The following FREM2 variants were observed in gnomAD, a reference collection of about 807,000 sequenced individuals.
The protein encoded by FREM2 is FRAS1-related extracellular matrix protein 2.
In FREM2, 119 loss-of-function variants were observed where a neutral mutation model predicts 219.9. The observed-to-expected ratio is 0.54, with a 90% CI of 0.47 to 0.63. The LOEUF is 0.63. Ranked by LOEUF, FREM2 falls within the 30% of genes least tolerant of loss-of-function variation. FREM2 has a pLI of 0.00. For synonymous variants in FREM2, 1,562 were observed against 1,522.8 expected (o/e 1.03, Z -0.60); for missense variants, 4,030 against 3,993.6 (o/e 1.01, Z -0.25).
In FREM2 at chr13:38,764,282, G is replaced by A. The variant is rs774832373; in HGVS notation, c.5264-22G>A. ...TCATTCAAGAAAGCACTAATTTATG[G>A]CTTTAAATTTTTATTTTCAAGGTGG... On this transcript the variant is annotated intron_variant, in intron 2 of 23. Transcript: ENST00000280481. 5 of 1,590,348 alleles carry A rather than the reference G, an allele frequency of 3.1e-6. No individual in the cohort carries two copies. The African/African-American group carries it at 6.7e-5, about 21-fold the overall frequency.
intron 11 of FREM2, among the ~76,000 whole-genome samples, chr13:38,853,329 A>C (rs1031115214): frequency 2.6e-5 from 4 of 151,910 alleles, no homozygotes; most frequent in South Asian, 2.1e-4. Flanking sequence ...AAAAAAAAAA[A>C]AAAAAAACAA....
intron 9 of FREM2, among the ~76,000 whole-genome samples, 193 bp downstream of exon 9, chr13:38,850,428 T>C (rs1877328871): frequency 2.6e-5 from 4 of 152,252 alleles, no homozygotes; most frequent in Admixed American, 2.0e-4. Flanking sequence ...CATTAACTTA[T>C]TGATTTCCAG....
rs1945510 is a variant in FREM2 at position 38,876,002 on chromosome 13, A to C, written c.8282-20A>C. On this transcript the variant is annotated intron_variant, in intron 18 of 23. Transcript: ENST00000280481. The stretch of plus-strand genomic sequence containing the variant: ...AATTGAACCACTATATCATTATTAT[A>C]ATTACTGGCACTTTCCTAGCATCCT... The C allele has an allele frequency of 0.15, 245,170 of 1,603,242 alleles. 21,892 individuals carry two copies. The highest frequency in any genetic ancestry group is 0.35 in the Admixed American group (20,828 of 59,972).
chr13:38,708,363 G>A (rs1000369700), intron 2 of FREM2, among the ~76,000 whole-genome samples: 3 of 152,136 alleles, frequency 2.0e-5, no homozygotes, highest in Admixed American at 6.6e-5. Context: ...AAATACAAAT[G>A]TGATTTTAGA....
rs764418238 is a variant in FREM2, at chr13:38,876,023, A to G, written c.8283A>G (p.Ala2761=). The change falls in exon 19 of 24, where the codon GCA becomes GCG. Residue 2761 remains alanine (A), a splice_region_variant and synonymous_variant. Coordinates refer to ENST00000280481, the MANE Select transcript of FREM2 (RefSeq NM_207361.6). ...FHGLFVLSHP[A]SFTSSVIMSA... is the part of the protein sequence containing the mutation. The stretch of plus-strand genomic sequence containing the variant: ...TTATAATTACTGGCACTTTCCTAGC[A>G]TCCTTTACAAGCTCAGTGATCATGT... 48 of 1,613,410 alleles carry G rather than the reference A, an allele frequency of 3.0e-5. No homozygotes were observed. Among genetic ancestry groups the G allele is most frequent in the Middle Eastern group, 1.6e-4 (1 of 6,084 alleles).
At position 38,880,686 on chromosome 13, in the gene FREM2, G is replaced by C. The variant is rs1387841991; in HGVS notation, c.9409G>C (p.Gly3137Arg). 6.2e-7 allele frequency: 1 copy of C among 1,614,182 alleles called. No homozygotes were observed. The highest frequency in any genetic ancestry group is 1.7e-5 in the Admixed American group (1 of 60,032). The part of the protein sequence containing the change: ...LTVIAVLMCR[G>R]KESFRGKDAP... ...TGTCATTGCAGTGCTGATGTGCAGG[G>C]GCAAGGAAAGTTTCAGGGGGAAGGA... The change falls in exon 24 of 24, where the codon GGC becomes CGC. Residue 3137 changes from glycine (G) to arginine (R), a missense_variant. This residue lies in a region of FREM2 where 928 missense variants were observed against 1,042.9 expected (regional missense o/e 0.89). Transcript: ENST00000280481.
At chr13:38,728,856 A>T (rs1035350442) in intron 2 of FREM2, among the ~76,000 whole-genome samples, 36 of 151,882 alleles carry the variant, frequency 2.4e-4, no homozygotes, top group African/African-American at 8.5e-4. Flanking sequence ...TTATTTTGAG[A>T]TGGAGTTTCG....
In FREM2 at chr13:38,878,337, C is replaced by CA. The variant is rs1215963575; in HGVS notation, c.8859+22dup. 1.3e-6 allele frequency: 2 copies of CA among 1,592,202 alleles called. No homozygotes were observed. The highest frequency in any genetic ancestry group is 2.7e-5 in the African/African-American group (2 of 73,842). On this transcript the variant is annotated intron_variant, in intron 22 of 23. Coordinates refer to ENST00000280481, the MANE Select transcript of FREM2 (RefSeq NM_207361.6). ...TAAAATTGTGGTAAGTGCTTTGACC[C>CA]AAAAAATGAGCTAGATAGATTTTTC...
At chr13:38,815,346 A>C (rs1875723819) in intron 6 of FREM2, among the ~76,000 whole-genome samples, 1 of 152,164 alleles carries the variant, frequency 6.6e-6, no homozygotes, top group Non-Finnish European at 1.5e-5. Context: ...GTTCCCTTGT[A>C]GAAGGCAAGA....
At chr13:38,745,265 G>A (rs1025629230) in intron 2 of FREM2, among the ~76,000 whole-genome samples, 1 of 152,046 alleles carries the variant, frequency 6.6e-6, no homozygotes, top group Non-Finnish European at 1.5e-5. Flanking sequence ...ATATTAAAAA[G>A]AAAAGCTTTG....
chr13:38,690,661 T>C lies in FREM2; in HGVS notation c.3317T>C (p.Ile1106Thr), dbSNP rs1307857453. 1.9e-6 allele frequency: 3 copies of C among 1,613,832 alleles called. No homozygotes were observed. Among genetic ancestry groups the C allele is most frequent in the Non-Finnish European group, 2.5e-6 (3 of 1,180,022 alleles). ...DSLNDDILCT[I>T]VIQPTSGYVE... ...CTGAATGATGACATCTTGTGCACTA[T>C]AGTTATTCAGCCTACTTCAGGTTAT... Residue 1106 changes from isoleucine (I) to threonine (T), a missense_variant, in exon 1 of 24, where the codon ATA becomes ACA. This residue lies in a region of FREM2 where 3,102 missense variants were observed against 2,950.7 expected (regional missense o/e 1.05). Transcript: ENST00000280481.
chr13:38,717,967 G>C (rs1173057996), intron 2 of FREM2, among the ~76,000 whole-genome samples: 1 of 152,124 alleles, frequency 6.6e-6, no homozygotes, highest in African/African-American at 2.4e-5. Context: ...AAGTATACAT[G>C]CTCATTATAA....
chr13:38,714,884 G>A (rs1175022592), intron 2 of FREM2, among the ~76,000 whole-genome samples: 3 of 151,638 alleles, frequency 2.0e-5, no homozygotes, highest in Admixed American at 6.6e-5. Flanking sequence ...TCAGGAGTTC[G>A]AGACCAGCCT....
intron 6 of FREM2, among the ~76,000 whole-genome samples, chr13:38,811,876 A>T (rs915885021): frequency 1.3e-5 from 2 of 152,154 alleles, no homozygotes; most frequent in African/African-American, 4.8e-5. Context: ...GATCTGTCCA[A>T]TGCTGAATGT....
intron 6 of FREM2, among the ~76,000 whole-genome samples, chr13:38,816,295 G>T (rs771472564): frequency 1.3e-5 from 2 of 152,098 alleles, no homozygotes; most frequent in Admixed American, 6.6e-5. Flanking sequence ...AAAACTACAG[G>T]TTAGGATCTC....
chr13:38,696,687 A>C (rs1870119668), intron 1 of FREM2, among the ~76,000 whole-genome samples: 1 of 152,224 alleles, frequency 6.6e-6, no homozygotes, highest in Non-Finnish European at 1.5e-5. Context: ...TGGATGAATA[A>C]GTTTTAAAAA....
chr13:38,690,281 G>C lies in FREM2; in HGVS notation c.2937G>C (p.Leu979Phe). The C allele has an allele frequency of 6.2e-7, 1 of 1,614,152 alleles. No individual in the cohort carries two copies. The highest frequency in any genetic ancestry group is 8.5e-7 in the Non-Finnish European group (1 of 1,179,978). Residue 979 changes from leucine to phenylalanine, a missense_variant, in exon 1 of 24, where the codon TTG becomes TTC. Leu to Phe is a conservative substitution (Grantham distance 22). Coordinates refer to ENST00000280481, the MANE Select transcript of FREM2 (RefSeq NM_207361.6). Reference protein sequence around the residue: ...IKGTNEETDDLMLTFLLEDPP... With the variant: ...IKGTNEETDDFMLTFLLEDPP... ...GGACCAATGAGGAAACTGATGACTT[G>C]ATGTTGACTTTCCTCTTGGAAGATC...
rs1593408240 is a variant in FREM2, at chr13:38,787,758, T to C, written c.6019+2950T>C. On this transcript the variant is annotated intron_variant, in intron 6 of 23. Transcript: ENST00000280481. ...GTTATTTATTAATGTTATTATTTAT[T>C]ATTTATTATTATTTATTAATTTAGC... Among the ~76,000 whole-genome samples, 4 of 149,440 alleles carry C rather than the reference T, an allele frequency of 2.7e-5. No homozygotes were observed. The South Asian group carries it at 8.7e-4, about 32-fold the overall frequency.
intron 2 of FREM2, among the ~76,000 whole-genome samples, chr13:38,750,406 A>G (rs1026518379): frequency 8.5e-5 from 13 of 152,178 alleles, no homozygotes; most frequent in Admixed American, 3.9e-4. Flanking sequence ...AGCTTATTTT[A>G]CTTAGTATAA....
Sources: allele counts gnomAD v4.1 joint callset (sites outside exome capture counted in the v4.1 genomes callset), GRCh38; gene constraint gnomAD v4.1.1; regional missense constraint gnomAD v4.1.1; transcripts MANE v1.5; gene names NCBI Gene and HGNC (gene_info 2026-07-23, HGNC 2026-07-21).